Variants in NGEF observed in about 807,000 individuals in gnomAD.
NGEF encodes the protein neuronal guanine nucleotide exchange factor.
Under a neutral mutation model 80.9 loss-of-function variants are expected in NGEF, and 31 were observed. The ratio of observed to expected loss-of-function variants is 0.38; its 90% CI spans 0.29 to 0.52. The LOEUF is 0.52. NGEF is among the 20% of genes least tolerant of loss of function. The pLI, the probability that NGEF is intolerant of heterozygous loss-of-function variation, is 0.84. For missense variants in NGEF, 709 were observed against 926.2 expected (o/e 0.77, Z 3.04); for synonymous variants, 371 against 370.2 (o/e 1.00, Z -0.03).
intron 1 of NGEF, among the ~76,000 whole-genome samples, chr2:232,983,614 C>T (rs1408140646): frequency 6.6e-6 from 1 of 152,074 alleles, no homozygotes; most frequent in Non-Finnish European, 1.5e-5. Context: ...CTCATTAACA[C>T]GCTAGGAGAG....
rs1025642788 is a variant in NGEF at position 232,970,066 on chromosome 2, T to A, written c.383+148A>T. On this transcript the variant is annotated intron_variant, in intron 3 of 14. Transcript: ENST00000264051. ...AGTTTTTTTTAAATTATGGAGTTTT[T>A]ATTTATTTATTTTTTTAGCACGGGC... 9.0e-5 allele frequency: 38 copies of A among 419,976 alleles called. 1 individual carries two copies. The highest frequency in any genetic ancestry group is 1.5e-4 in the Non-Finnish European group (35 of 240,554). 26.0% of individuals were successfully genotyped at this position (419,976 alleles called of 1,614,324 possible).
chr2:232,999,022 C>T (rs898637741), intron 1 of NGEF, among the ~76,000 whole-genome samples: 5 of 152,126 alleles, frequency 3.3e-5, no homozygotes, highest in African/African-American at 1.2e-4. Context: ...TGGTTTGGGA[C>T]CCCGGAACAG....
At chr2:232,885,155 G>A (rs747016004) in intron 10 of NGEF, 125 bp downstream of exon 10, 5 of 824,680 alleles carry the variant, frequency 6.1e-6, no homozygotes, top group Non-Finnish European at 9.8e-6. Flanking sequence ...GGGCAGAGGG[G>A]ATCCTAAGTG....
At chr2:232,929,178 CGG>C (rs1693164895) in intron 3 of NGEF, among the ~76,000 whole-genome samples, 1 of 152,172 alleles carries the variant, frequency 6.6e-6, no homozygotes, top group Non-Finnish European at 1.5e-5. Context: ...GGGTGGAGTG[CGG>C]AGCATAGTCC....
intron 9 of NGEF, among the ~76,000 whole-genome samples, chr2:232,886,342 G>C (rs997947092): frequency 4.0e-5 from 6 of 151,618 alleles, no homozygotes; most frequent in Admixed American, 1.3e-4. Flanking sequence ...AGTGTGTACT[G>C]TGTGATGAGG....
At chr2:233,002,308 A>C (rs969735934) in intron 1 of NGEF, among the ~76,000 whole-genome samples, 1 of 152,228 alleles carries the variant, frequency 6.6e-6, no homozygotes, top group African/African-American at 2.4e-5. Flanking sequence ...GATGAAAATA[A>C]ATGAAGTAAG....
rs1379237029 is a variant in NGEF at position 232,883,071 on chromosome 2, ACACACACACACG to A, written c.1757+228_1757+239del. On this transcript the variant is annotated intron_variant, in intron 12 of 14. Coordinates refer to ENST00000264051, the MANE Select transcript of NGEF (RefSeq NM_019850.3). ...CAAGGGAACACACACACACACACAC[ACACACACACACG>A]CACACACGCACACACGTACACGCGT... is the stretch of plus-strand genomic sequence containing the variant. 3.1e-4 allele frequency among the ~76,000 whole-genome samples: 47 copies of A among 150,024 alleles called. No individual in the cohort carries two copies. In the East Asian group the frequency reaches 4.0e-3, roughly 13 times the overall value.
intron 11 of NGEF, 67 bp from the exon 12 acceptor site, chr2:232,883,533 C>T: frequency 2.8e-6 from 4 of 1,425,218 alleles, no homozygotes; most frequent in Non-Finnish European, 3.7e-6. Context: ...CAGGAGAGCC[C>T]CACTTGGCAG....
intron 1 of NGEF, among the ~76,000 whole-genome samples, chr2:233,001,183 C>T (rs1354026635): frequency 2.0e-5 from 3 of 152,186 alleles, no homozygotes; most frequent in Non-Finnish European, 2.9e-5. Context: ...TTCCCCCTTC[C>T]GGAGATGAGG....
chr2:232,890,462 C>T (rs1467317300), intron 8 of NGEF, among the ~76,000 whole-genome samples: 2 of 152,166 alleles, frequency 1.3e-5, no homozygotes, highest in African/African-American at 4.8e-5. Context: ...TTAATTACCA[C>T]CTTGATGCCA....
rs142753113 is a variant in NGEF at position 233,001,411 on chromosome 2, C to T, written c.-75+11657G>A. Among the ~76,000 whole-genome samples, 243 of 152,280 alleles carry T rather than the reference C, an allele frequency of 1.6e-3. 2 individuals are homozygous for T. Among genetic ancestry groups the T allele is most frequent in the Middle Eastern group, 0.014 (4 of 294 alleles). ...GTGAGCCTGTGAGTCTCCCCACGGG[C>T]CCATAGGTAGGGGGAGGTGACTCAG... On this transcript the variant is annotated intron_variant, in intron 1 of 14. Coordinates refer to ENST00000264051, the MANE Select transcript of NGEF (RefSeq NM_019850.3).
At chr2:232,979,228 G>A (rs928640005) in intron 1 of NGEF, among the ~76,000 whole-genome samples, 3 of 152,016 alleles carry the variant, frequency 2.0e-5, no homozygotes, top group African/African-American at 4.8e-5. Context: ...GATCCAGGGA[G>A]GCTCAGAGGG....
chr2:232,890,629 G>A (rs1019486661), intron 8 of NGEF, among the ~76,000 whole-genome samples: 6 of 152,042 alleles, frequency 3.9e-5, no homozygotes, highest in African/African-American at 1.5e-4. Context: ...AACTGCTCAA[G>A]GTAAAAGCCG....
At chr2:232,903,183 C>G (rs572904102) in intron 5 of NGEF, among the ~76,000 whole-genome samples, 1 of 152,224 alleles carries the variant, frequency 6.6e-6, no homozygotes, top group South Asian at 2.1e-4. Context: ...AACAATCCCA[C>G]TTAGCAATTC....
In NGEF at chr2:232,979,891, G is replaced by A. The variant is rs969048303; in HGVS notation, c.-74-4927C>T. ...TTTACAGCAATAGATGAACGGATGA[G>A]TTACCTTAGCCAAGCCTCGCAACTT... is the stretch of plus-strand genomic sequence containing the variant. On this transcript the variant is annotated intron_variant, in intron 1 of 14. Transcript: ENST00000264051. Among the ~76,000 whole-genome samples the A allele has an allele frequency of 2.0e-5, 3 of 151,160 alleles. No homozygotes were observed. The South Asian group carries it at 6.3e-4, about 32-fold the overall frequency.
chr2:232,885,052 C>G, intron 10 of NGEF: 1 of 555,762 alleles, frequency 1.8e-6, no homozygotes, highest in Non-Finnish European at 3.2e-6. Flanking sequence ...ACACTAGCCC[C>G]GCACTCCCGT....
At chr2:232,952,970 C>CAAAA (rs57198276) in intron 3 of NGEF, among the ~76,000 whole-genome samples, 2 of 73,066 alleles carry the variant, frequency 2.7e-5, no homozygotes, top group Non-Finnish European at 5.3e-5. Context: ...AGACAGCCCT[C>CAAAA]AAAAAAAAAA....
chr2:232,890,465 T>C (rs1691845532), intron 8 of NGEF, among the ~76,000 whole-genome samples: 1 of 152,160 alleles, frequency 6.6e-6, no homozygotes, highest in Non-Finnish European at 1.5e-5. Flanking sequence ...ATTACCACCT[T>C]GATGCCAGCG....
At chr2:233,010,196 A>G (rs1559247505) in intron 1 of NGEF, among the ~76,000 whole-genome samples, 1 of 151,816 alleles carries the variant, frequency 6.6e-6, no homozygotes, top group Non-Finnish European at 1.5e-5. Context: ...CCCAGCTGGC[A>G]TCTTTTAAAC....
Sources: gnomAD v4.1 joint callset for allele counts (sites outside exome capture counted in the v4.1 genomes callset) on GRCh38, gnomAD v4.1.1 for gene constraint, MANE v1.5 for transcripts, NCBI Gene and HGNC (gene_info 2026-07-23, HGNC 2026-07-21) for gene names.